PCDHGA2: variants seen among roughly 807,000 people sequenced by gnomAD.
The protein encoded by PCDHGA2 is protocadherin gamma-A2.
A neutral mutation model predicts 59.2 loss-of-function variants in PCDHGA2; 40 were observed. That is an observed-to-expected ratio of 0.68 (90% CI 0.52 to 0.88). The LOEUF is 0.88. Ranked by LOEUF, PCDHGA2 falls within the 40% of genes least tolerant of loss-of-function variation. The pLI, the probability that PCDHGA2 is intolerant of heterozygous loss-of-function variation, is 0.00. For synonymous variants in PCDHGA2, 560 were observed against 526.0 expected (o/e 1.06, Z -0.89); for missense variants, 1,226 against 1,204.0 (o/e 1.02, Z -0.27).
intron 1 of PCDHGA2, chr5:141,388,337 A>C: frequency 6.2e-7 from 1 of 1,613,990 alleles, no homozygotes; most frequent in Non-Finnish European, 8.5e-7. Context: ...CTGGCACACG[A>C]TTTATATTAG....
intron 1 of PCDHGA2, chr5:141,409,876 C>A: frequency 6.2e-7 from 1 of 1,612,874 alleles, no homozygotes. Flanking sequence ...GCAATGACAA[C>A]GCACCGCGGG....
chr5:141,374,968 T>C, intron 1 of PCDHGA2: 2 of 1,614,056 alleles, frequency 1.2e-6, no homozygotes, highest in Non-Finnish European at 8.5e-7. Flanking sequence ...TCTGTTTGAA[T>C]GTTTTGACTG....
At chr5:141,375,038 G>T in intron 1 of PCDHGA2, 1 of 1,614,038 alleles carries the variant, frequency 6.2e-7, no homozygotes, top group Non-Finnish European at 8.5e-7. Context: ...TGAGCTGGGT[G>T]TTGAAGCCCG....
intron 1 of PCDHGA2, chr5:141,404,970 C>G: frequency 6.2e-7 from 1 of 1,614,058 alleles, no homozygotes; most frequent in East Asian, 2.2e-5. Context: ...GACATCCTGG[C>G]TGACCTGGGC....
chr5:141,400,459 G>T, intron 1 of PCDHGA2: 1 of 1,614,072 alleles, frequency 6.2e-7, no homozygotes, highest in African/African-American at 1.3e-5. Context: ...CATACTTTGT[G>T]GTGATTCATC....
chr5:141,383,073 G>A, intron 1 of PCDHGA2: 1 of 1,613,920 alleles, frequency 6.2e-7, no homozygotes. Context: ...AGCCCCGGGA[G>A]CTGGCGGAGC....
intron 1 of PCDHGA2, chr5:141,413,141 G>A: frequency 1.3e-6 from 2 of 1,564,906 alleles, no homozygotes; most frequent in Non-Finnish European, 1.7e-6. Context: ...AACGTGTCCA[G>A]TGAGGACTTT....
At chr5:141,399,937 G>C in intron 1 of PCDHGA2, 1 of 1,612,360 alleles carries the variant, frequency 6.2e-7, no homozygotes, top group African/African-American at 1.3e-5. Flanking sequence ...GTCCTACCAC[G>C]TGCTGCAGGC....
chr5:141,489,951 T>C lies in PCDHGA2; in HGVS notation c.2425-4856T>C. On this transcript the variant is annotated intron_variant, in intron 1 of 3. Coordinates refer to ENST00000394576, the MANE Select transcript of PCDHGA2 (RefSeq NM_018915.4). The surrounding 1 kb of genome is among the most constrained non-coding windows in gnomAD (Gnocchi z 4.5). ...CTGTCATCGTGCTGGACATCAATGATAATGCTCCAACCTTCCAATCCTCAG... is the reference window on the plus strand; with the variant it reads ...CTGTCATCGTGCTGGACATCAATGACAATGCTCCAACCTTCCAATCCTCAG... 6.2e-7 allele frequency: 1 copy of C among 1,614,210 alleles called. No homozygotes were observed. Among genetic ancestry groups the C allele is most frequent in the Non-Finnish European group, 8.5e-7 (1 of 1,180,032 alleles).
In PCDHGA2 at chr5:141,392,992, C is replaced by A. The variant is rs1233401263; in HGVS notation, c.2424+51597C>A. ...CTGGGGCTGGACCCCCGGAAGCTGG[C>A]GAAGCACGGAGTCCGTATCGTCTCC... is the stretch of plus-strand genomic sequence containing the variant. On this transcript the variant is annotated intron_variant, in intron 1 of 3. Transcript: ENST00000394576. 5 of 1,613,818 alleles carry A rather than the reference C, an allele frequency of 3.1e-6. No homozygotes were observed. The Admixed American group carries it at 5.0e-5, about 16-fold the overall frequency.
intron 1 of PCDHGA2, chr5:141,394,693 G>C: frequency 1.2e-6 from 2 of 1,613,006 alleles, no homozygotes; most frequent in Non-Finnish European, 1.7e-6. Context: ...GGCGAGGTGC[G>C]CACGGCGCGA....
At chr5:141,384,819 G>C (rs1251597245) in intron 1 of PCDHGA2, 2 of 1,613,524 alleles carry the variant, frequency 1.2e-6, no homozygotes, top group African/African-American at 1.3e-5. Flanking sequence ...CCCTCAAGCA[G>C]AGCCTCGTGG....
chr5:141,359,948 A>C, intron 1 of PCDHGA2: 1 of 539,450 alleles, frequency 1.9e-6, no homozygotes, highest in Non-Finnish European at 3.0e-6. Context: ...GCTGTTGGTC[A>C]AAAGAACGAA....
At chr5:141,415,416 G>C (rs747598923) in intron 1 of PCDHGA2, 3 of 1,614,220 alleles carry the variant, frequency 1.9e-6, no homozygotes, top group Non-Finnish European at 2.5e-6. Flanking sequence ...TTGTGGGCGT[G>C]GACGGGGTTC....
Position 141,431,423 on chromosome 5 carries a change from C to A in PCDHGA2, c.2425-63384C>A, listed in dbSNP as rs868299769. 20 of 1,613,552 alleles carry A rather than the reference C, an allele frequency of 1.2e-5. No individual in the cohort carries two copies. In the Admixed American group the frequency reaches 2.2e-4, roughly 17 times the overall value. ...GGCCTCCGACGGGGGCGACCCGGTG[C>A]GCACAGGCACCGCGCGCATCCGCGT... On this transcript the variant is annotated intron_variant, in intron 1 of 3. Coordinates refer to ENST00000394576, the MANE Select transcript of PCDHGA2 (RefSeq NM_018915.4). The surrounding 1 kb of genome is among the most constrained non-coding windows in gnomAD (Gnocchi z 4.8).
At chr5:141,405,767 T>C (rs957910070) in intron 1 of PCDHGA2, among the ~76,000 whole-genome samples, 2 of 152,128 alleles carry the variant, frequency 1.3e-5, no homozygotes, top group African/African-American at 4.8e-5. Flanking sequence ...CGTGAGCCAC[T>C]GCGCCTGGCC....
chr5:141,447,123 TTTTG>T (rs1327676720), intron 1 of PCDHGA2, among the ~76,000 whole-genome samples: 7 of 152,278 alleles, frequency 4.6e-5, no homozygotes, highest in African/African-American at 1.4e-4. Context: ...CCATGGATTT[TTTTG>T]TTTGTTTGTT....
chr5:141,493,808 C>T lies in PCDHGA2; in HGVS notation c.2425-999C>T, dbSNP rs2099750260. On this transcript the variant is annotated intron_variant, in intron 1 of 3. Transcript: ENST00000394576. The surrounding 1 kb of genome is among the most constrained non-coding windows in gnomAD (Gnocchi z 4.3). ...CTTCTCCCTGGAGTAATCTGAGATA[C>T]TCACACTCTCTGCTTCTGGGAGCAA... is the stretch of plus-strand genomic sequence containing the variant. 6.6e-6 allele frequency among the ~76,000 whole-genome samples: 1 copy of T among 152,200 alleles called. No individual in the cohort carries two copies. The highest frequency in any genetic ancestry group is 1.5e-5 in the Non-Finnish European group (1 of 68,042).
intron 1 of PCDHGA2, chr5:141,414,799 G>T (rs1177065576): frequency 1.9e-6 from 3 of 1,614,096 alleles, no homozygotes; most frequent in Non-Finnish European, 2.5e-6. Flanking sequence ...CAGCGACAGC[G>T]GGGATCCTCC....
Sources: gnomAD v4.1 joint callset for allele counts (sites outside exome capture counted in the v4.1 genomes callset) on GRCh38, gnomAD v4.1.1 for gene constraint, Gnocchi (gnomAD v3.1) non-coding constraint, MANE v1.5 for transcripts, NCBI Gene and HGNC (gene_info 2026-07-23, HGNC 2026-07-21) for gene names.